Variants in RSRC1 observed in about 807,000 individuals in gnomAD.
The protein encoded by RSRC1 is arginine and serine rich coiled-coil 1.
RSRC1 carries 39 observed loss-of-function variants against 49.1 expected under a neutral mutation model. That is an observed-to-expected ratio of 0.79 (90% CI 0.61 to 1.04). The LOEUF (loss-of-function observed/expected upper bound fraction) is 1.04. Among genes scored for constraint, RSRC1 ranks in the 50% least tolerant of loss-of-function variants. The pLI is 0.00. For synonymous variants in RSRC1, 143 were observed against 130.8 expected (o/e 1.09, Z -0.63); for missense variants, 388 against 402.4 (o/e 0.96, Z 0.31).
chr3:158,472,917 C>T (rs562862962), intron 7 of RSRC1, among the ~76,000 whole-genome samples: 1 of 152,246 alleles, frequency 6.6e-6, no homozygotes, highest in Admixed American at 6.5e-5. Context: ...AGTCCTTGCC[C>T]ATGCATCACT....
At chr3:158,403,465 T>A (rs1368785739) in intron 6 of RSRC1, among the ~76,000 whole-genome samples, 4 of 151,722 alleles carry the variant, frequency 2.6e-5, no homozygotes, top group Admixed American at 6.6e-5. Context: ...TAAAAAAAAA[T>A]TTAGAAGTGA....
chr3:158,208,374 A>G (rs1487440836), intron 4 of RSRC1, among the ~76,000 whole-genome samples: 1 of 152,040 alleles, frequency 6.6e-6, no homozygotes, highest in African/African-American at 2.4e-5. Flanking sequence ...TCTAATTTGT[A>G]ATTTTTAGAG....
At chr3:158,339,330 C>T (rs1344823031) in intron 5 of RSRC1, among the ~76,000 whole-genome samples, 1 of 145,352 alleles carries the variant, frequency 6.9e-6, no homozygotes, top group African/African-American at 2.5e-5. Context: ...AAAAATGATA[C>T]TAATATTTTT....
At chr3:158,501,602 G>A (rs1560067181) in intron 7 of RSRC1, among the ~76,000 whole-genome samples, 1 of 152,056 alleles carries the variant, frequency 6.6e-6, no homozygotes, top group African/African-American at 2.4e-5. Flanking sequence ...GTTATATAAT[G>A]TCCCTCTTCG....
intron 7 of RSRC1, 110 bp from the exon 8 acceptor site, chr3:158,536,982 A>C: frequency 1.5e-6 from 1 of 685,200 alleles, no homozygotes; most frequent in Non-Finnish European, 2.6e-6. Flanking sequence ...AGCTTAATTT[A>C]TAATGTCTTT....
chr3:158,268,426 TC>T (rs1298147505), intron 4 of RSRC1, among the ~76,000 whole-genome samples: 1 of 152,216 alleles, frequency 6.6e-6, no homozygotes, highest in African/African-American at 2.4e-5. Context: ...GTGGTTCTCT[TC>T]CTGCCTGCAT....
chr3:158,144,202 G>C (rs1716930876), intron 3 of RSRC1, among the ~76,000 whole-genome samples: 1 of 152,236 alleles, frequency 6.6e-6, no homozygotes, highest in Middle Eastern at 3.4e-3. Flanking sequence ...TGTTACATAT[G>C]TATACTTGTG....
chr3:158,494,752 G>A (rs73154307), intron 7 of RSRC1, among the ~76,000 whole-genome samples: 32,314 of 151,728 alleles, frequency 0.21, 3,830 homozygotes, highest in South Asian at 0.3. Flanking sequence ...AAACACATAC[G>A]TTAGCCTAAG....
intron 7 of RSRC1, among the ~76,000 whole-genome samples, chr3:158,495,474 C>T (rs190895231): frequency 8.1e-4 from 123 of 152,076 alleles, no homozygotes; most frequent in Middle Eastern, 3.4e-3. Context: ...TTGGTAGAGA[C>T]AGGGTTTCAC....
intron 5 of RSRC1, among the ~76,000 whole-genome samples, chr3:158,306,586 A>T (rs1224168164): frequency 6.6e-6 from 1 of 152,004 alleles, no homozygotes; most frequent in Non-Finnish European, 1.5e-5. Flanking sequence ...TAATCAATAC[A>T]GGAAAGAATG....
At chr3:158,435,597 TATAAAG>T (rs1472130532) in intron 6 of RSRC1, among the ~76,000 whole-genome samples, 6 of 151,626 alleles carry the variant, frequency 4.0e-5, no homozygotes, top group African/African-American at 1.2e-4. Context: ...ATATATGTGC[TATAAAG>T]ATAAAGATAT....
chr3:158,317,371 A>G (rs1428784514), intron 5 of RSRC1, among the ~76,000 whole-genome samples: 2 of 151,018 alleles, frequency 1.3e-5, no homozygotes, highest in Admixed American at 1.3e-4. Flanking sequence ...TGGGACCACA[A>G]GTGCATGTCA....
chr3:158,251,737 A>G (rs1017030035), intron 4 of RSRC1, among the ~76,000 whole-genome samples: 1 of 152,200 alleles, frequency 6.6e-6, no homozygotes, highest in African/African-American at 2.4e-5. Flanking sequence ...GGTTATTCCA[A>G]ATACAAGATC....
At chr3:158,258,188 A>G (rs928470078) in intron 4 of RSRC1, among the ~76,000 whole-genome samples, 2 of 133,026 alleles carry the variant, frequency 1.5e-5, no homozygotes, top group South Asian at 5.0e-4. Flanking sequence ...TTTCTTTCAA[A>G]TTGAAGAACT....
chr3:158,357,342 T>C (rs1487539015), intron 6 of RSRC1, among the ~76,000 whole-genome samples: 1 of 152,240 alleles, frequency 6.6e-6, no homozygotes, highest in African/African-American at 2.4e-5. Context: ...TTTAATAGAA[T>C]GGCTTTTTGT....
intron 3 of RSRC1, among the ~76,000 whole-genome samples, chr3:158,144,740 C>G (rs1274959244): frequency 1.3e-5 from 2 of 152,166 alleles, no homozygotes; most frequent in Admixed American, 1.3e-4. Context: ...AACTAGTTTA[C>G]AGTCCCCCCA....
intron 6 of RSRC1, among the ~76,000 whole-genome samples, chr3:158,438,644 C>G (rs1252903568): frequency 6.6e-6 from 1 of 152,146 alleles, no homozygotes; most frequent in Admixed American, 6.5e-5. Flanking sequence ...GGATCACTTC[C>G]TTACACCATA....
intron 7 of RSRC1, among the ~76,000 whole-genome samples, chr3:158,475,340 T>G (rs563998248): frequency 2.0e-5 from 3 of 152,130 alleles, no homozygotes; most frequent in Non-Finnish European, 4.4e-5. Flanking sequence ...CACATTCTAG[T>G]GGAAAGAGAC....
At chr3:158,383,239 A>T (rs1212829044) in intron 6 of RSRC1, among the ~76,000 whole-genome samples, 1 of 152,206 alleles carries the variant, frequency 6.6e-6, no homozygotes, top group Non-Finnish European at 1.5e-5. Flanking sequence ...CTGGGTCATC[A>T]AGAAAGGATG....
Sources: allele counts gnomAD v4.1 joint callset (sites outside exome capture counted in the v4.1 genomes callset), GRCh38; gene constraint gnomAD v4.1.1; transcripts MANE v1.5; gene names NCBI Gene and HGNC (gene_info 2026-07-23, HGNC 2026-07-21).